Variants in PDE8A observed in about 807,000 individuals in gnomAD.
PDE8A encodes the protein phosphodiesterase 8A, also known as high affinity cAMP-specific and IBMX-insensitive 3',5'-cyclic phosphodiesterase 8A.
PDE8A carries 59 observed loss-of-function variants against 105.0 expected under a neutral mutation model. That is an observed-to-expected ratio of 0.56 (90% CI 0.46 to 0.70). The LOEUF (loss-of-function observed/expected upper bound fraction) is 0.70, where lower values mean the gene tolerates loss of function less well. Ranked by LOEUF, PDE8A falls within the 30% of genes least tolerant of loss-of-function variation. PDE8A has a pLI of 0.00. For synonymous variants in PDE8A, 355 were observed against 371.9 expected, an observed-to-expected ratio of 0.95 and a Z score of 0.52; for missense variants, 1,014 against 1,045.9, an observed-to-expected ratio of 0.97 and a Z score of 0.42.
At chr15:85,091,326 C>A in intron 8 of PDE8A, 145 bp downstream of exon 8, 1 of 624,636 alleles carries the variant, frequency 1.6e-6, no homozygotes, top group Non-Finnish European at 2.5e-6. Flanking sequence ...CTGTTATATC[C>A]ATTTTGCAGG....
At chr15:85,116,306 T>A in intron 16 of PDE8A, 187 bp downstream of exon 16, 1 of 565,034 alleles carries the variant, frequency 1.8e-6, no homozygotes, top group Non-Finnish European at 3.1e-6. Flanking sequence ...CTGGCCACAG[T>A]GATGGCACAT....
intron 20 of PDE8A, among the ~76,000 whole-genome samples, chr15:85,130,400 A>G (rs2082314144): frequency 6.6e-6 from 1 of 151,982 alleles, no homozygotes; most frequent in African/African-American, 2.4e-5. Flanking sequence ...TCCATTACTG[A>G]GTTTTGGTTC....
rs747103517 is a variant in PDE8A at position 85,009,090 on chromosome 15, TGA to T, written c.186+26762_186+26763del. Among the ~76,000 whole-genome samples, 887 of 147,892 alleles carry T rather than the reference TGA, an allele frequency of 6.0e-3. 5 individuals are homozygous for T. Among genetic ancestry groups the T allele is most frequent in the African/African-American group, 0.016 (620 of 39,930 alleles). ...CTTCACTTCCTGGTGTGTTAGTGTG[TGA>T]GAGAGAGAGAGAGAGAGAGTGTGTG... On this transcript the variant is annotated intron_variant, in intron 1 of 21. Coordinates refer to ENST00000394553, the MANE Select transcript of PDE8A (RefSeq NM_002605.3).
chr15:85,109,355 C>G (rs1596528173), intron 12 of PDE8A, among the ~76,000 whole-genome samples: 1 of 152,198 alleles, frequency 6.6e-6, no homozygotes, highest in East Asian at 1.9e-4. Flanking sequence ...GAAGAAGATA[C>G]ATTTCCCATA....
chr15:85,010,561 T>C (rs1444710549), intron 1 of PDE8A, among the ~76,000 whole-genome samples: 2 of 152,200 alleles, frequency 1.3e-5, no homozygotes, highest in Non-Finnish European at 2.9e-5. Context: ...TGTATTTGAT[T>C]GCCTCTCCTG....
chr15:85,017,409 T>G (rs1337491953), intron 1 of PDE8A, among the ~76,000 whole-genome samples: 1 of 152,238 alleles, frequency 6.6e-6, no homozygotes, highest in Non-Finnish European at 1.5e-5. Flanking sequence ...AATAGAGTTT[T>G]ACCTCTTTTC....
chr15:85,052,014 A>C (rs2080983117), intron 1 of PDE8A, among the ~76,000 whole-genome samples: 1 of 137,596 alleles, frequency 7.3e-6, no homozygotes, highest in Non-Finnish European at 1.6e-5. Context: ...GATGTTCCTC[A>C]CCCTGTGTCC....
At chr15:85,092,919 CCTT>C (rs2081670329) in intron 8 of PDE8A, among the ~76,000 whole-genome samples, 1 of 41,252 alleles carries the variant, frequency 2.4e-5, no homozygotes, top group South Asian at 1.6e-3. Context: ...ATACTGCTTT[CCTT>C]TTTTTTTTTT....
At chr15:85,002,563 A>G (rs975516846) in intron 1 of PDE8A, among the ~76,000 whole-genome samples, 2 of 152,250 alleles carry the variant, frequency 1.3e-5, no homozygotes, top group Admixed American at 6.5e-5. Context: ...TGGTTGATTA[A>G]ATCATCGGCC....
intron 6 of PDE8A, among the ~76,000 whole-genome samples, chr15:85,085,688 A>AG (rs1044170629): frequency 6.7e-6 from 1 of 149,766 alleles, no homozygotes; most frequent in East Asian, 2.0e-4. Flanking sequence ...AAAAAAAAAA[A>AG]ACAGACTTGG....
chr15:85,097,453 C>G (rs1242975552), intron 8 of PDE8A, among the ~76,000 whole-genome samples: 1 of 152,170 alleles, frequency 6.6e-6, no homozygotes, highest in African/African-American at 2.4e-5. Context: ...TTATCTCATC[C>G]TCCACACCCT....
intron 11 of PDE8A, among the ~76,000 whole-genome samples, chr15:85,100,914 TC>T (rs1321169650): frequency 6.6e-6 from 1 of 152,222 alleles, no homozygotes; most frequent in Non-Finnish European, 1.5e-5. Flanking sequence ...GGAGAAGACT[TC>T]CCTTCATGCT....
At chr15:85,114,338 C>T (rs1486095800) in intron 14 of PDE8A, among the ~76,000 whole-genome samples, 2 of 152,176 alleles carry the variant, frequency 1.3e-5, no homozygotes, top group East Asian at 3.8e-4. Context: ...CTAAATAAAG[C>T]TTGTTTAGTT....
chr15:85,056,091 A>G (rs2081055066), intron 1 of PDE8A, among the ~76,000 whole-genome samples: 1 of 152,132 alleles, frequency 6.6e-6, no homozygotes, highest in Non-Finnish European at 1.5e-5. Context: ...TGGATATGAA[A>G]TTCTGGGTTG....
chr15:85,122,697 C>A (rs745720854), intron 18 of PDE8A, among the ~76,000 whole-genome samples: 4 of 152,194 alleles, frequency 2.6e-5, no homozygotes, highest in Non-Finnish European at 4.4e-5. Context: ...CCTATGATTT[C>A]GCAGCTTTCA....
At chr15:85,064,206 G>A in intron 1 of PDE8A, 164 bp from the exon 2 acceptor site, 1 of 532,726 alleles carries the variant, frequency 1.9e-6, no homozygotes. Flanking sequence ...GCTATAAGGA[G>A]ATCCTTAGGA....
intron 1 of PDE8A, among the ~76,000 whole-genome samples, chr15:85,055,948 G>T (rs1450292219): frequency 2.6e-5 from 4 of 152,150 alleles, no homozygotes; most frequent in Admixed American, 6.5e-5. Flanking sequence ...GGCTGGTACT[G>T]GTTGTTCCTT....
At chr15:85,090,404 T>G (rs1291109855) in intron 7 of PDE8A, among the ~76,000 whole-genome samples, 7 of 152,326 alleles carry the variant, frequency 4.6e-5, no homozygotes. Flanking sequence ...TGTTTTATCA[T>G]CATCATCATT....
intron 1 of PDE8A, among the ~76,000 whole-genome samples, chr15:85,013,652 C>T (rs925647544): frequency 2.6e-5 from 4 of 151,986 alleles, no homozygotes; most frequent in African/African-American, 9.7e-5. Context: ...AACAAATTAC[C>T]CCAAAGTTTA....
Sources: gnomAD v4.1 joint callset for allele counts (sites outside exome capture counted in the v4.1 genomes callset) on GRCh38, gnomAD v4.1.1 for gene constraint, MANE v1.5 for transcripts, NCBI Gene and HGNC (gene_info 2026-07-23, HGNC 2026-07-21) for gene names.